Variants in ZNF644 observed in about 807,000 individuals in gnomAD.
ZNF644 encodes zinc finger protein 644.
A neutral mutation model predicts 108.0 loss-of-function variants in ZNF644; 20 were observed. The observed-to-expected ratio is 0.19, with a 90% CI of 0.13 to 0.27. The LOEUF (loss-of-function observed/expected upper bound fraction) is 0.27. Ranked by LOEUF, ZNF644 falls within the 10% of genes least tolerant of loss-of-function variation. ZNF644 has a pLI of 1.00. For synonymous variants in ZNF644, 542 were observed against 539.1 expected (o/e 1.01, Z -0.08); for missense variants, 1,338 against 1,548.9 (o/e 0.86, Z 2.29).
chr1:90,973,552 T>C (rs1217255135), intron 2 of ZNF644, among the ~76,000 whole-genome samples: 1 of 151,228 alleles, frequency 6.6e-6, no homozygotes, highest in Non-Finnish European at 1.5e-5. Context: ...ACTATATAAA[T>C]GTTAAATAAG....
Position 91,001,882 on chromosome 1 carries a change from T to C in ZNF644, c.-17-19512A>G, listed in dbSNP as rs1658871673. On this transcript the variant is annotated intron_variant, in intron 1 of 5. Transcript: ENST00000337393. ...TGTGCAAAAATCACAAGCATTCTTA[T>C]ACACCAATAACAGAGAGCCAAATCA... 2.6e-5 allele frequency among the ~76,000 whole-genome samples: 4 copies of C among 152,110 alleles called. No individual in the cohort carries two copies. In the South Asian group the frequency reaches 8.3e-4, roughly 32 times the overall value.
At chr1:90,999,951 A>G (rs965386464) in intron 1 of ZNF644, among the ~76,000 whole-genome samples, 2 of 152,252 alleles carry the variant, frequency 1.3e-5, no homozygotes, top group Non-Finnish European at 2.9e-5. Flanking sequence ...AGGCCATTAC[A>G]TAATGGTAAA....
chr1:90,931,913 C>T lies in ZNF644; in HGVS notation c.3688+5572G>A, dbSNP rs1195584464. On this transcript the variant is annotated intron_variant, in intron 4 of 5. Transcript: ENST00000337393. ...TCTCCTTTCTCAATTTGCCATCAGA[C>T]AAATTGATGATAGCCTTCAGGAGAT... Among the ~76,000 whole-genome samples, 3 of 152,066 alleles carry T rather than the reference C, an allele frequency of 2.0e-5. No individual in the cohort carries two copies. The East Asian group carries it at 5.8e-4, about 29-fold the overall frequency.
chr1:91,021,409 C>A (rs1159784596), intron 1 of ZNF644: 1 of 152,402 alleles, frequency 6.6e-6, no homozygotes, highest in South Asian at 2.1e-4. Context: ...CTGGCCACAA[C>A]CGAGCAGCCT....
rs1653025718 is a variant in ZNF644 at position 90,950,425 on chromosome 1, A to C, written c.45-9116T>G. Reference sequence around the variant, plus strand: ...TTTTTTAATTTCAAAGTGTTTTGTCAGCCTCCTCCCAAAAGCAGATTGTGT... The same window carrying C: ...TTTTTTAATTTCAAAGTGTTTTGTCCGCCTCCTCCCAAAAGCAGATTGTGT... On this transcript the variant is annotated intron_variant, in intron 2 of 5. Transcript: ENST00000337393. Among the ~76,000 whole-genome samples the C allele has an allele frequency of 2.0e-5, 3 of 151,684 alleles. No individual in the cohort carries two copies. In the South Asian group the frequency reaches 6.3e-4, roughly 32 times the overall value.
At chr1:91,002,883 C>G (rs978756894) in intron 1 of ZNF644, among the ~76,000 whole-genome samples, 83 of 152,256 alleles carry the variant, frequency 5.5e-4, no homozygotes, top group African/African-American at 1.9e-3. Flanking sequence ...TATGAACAGA[C>G]ACTTCTCAAA....
intron 1 of ZNF644, among the ~76,000 whole-genome samples, chr1:91,006,386 G>A (rs1659419266): frequency 6.6e-6 from 1 of 152,166 alleles, no homozygotes. Flanking sequence ...TCCAGCCTGG[G>A]CAACAGAGCA....
At chr1:90,974,840 T>TA (rs1655837821) in intron 2 of ZNF644, among the ~76,000 whole-genome samples, 2 of 152,204 alleles carry the variant, frequency 1.3e-5, no homozygotes, top group Admixed American at 6.5e-5. Context: ...CAATGGTTTA[T>TA]AAAAACCTCA....
intron 1 of ZNF644, among the ~76,000 whole-genome samples, chr1:90,983,706 CACCT>C (rs1321658767): frequency 2.0e-5 from 3 of 152,098 alleles, no homozygotes; most frequent in Non-Finnish European, 2.9e-5. Flanking sequence ...GTGGGCAGAT[CACCT>C]GAGGTCAGGA....
intron 4 of ZNF644, among the ~76,000 whole-genome samples, chr1:90,927,161 C>T (rs566884331): frequency 6.6e-6 from 1 of 151,830 alleles, no homozygotes; most frequent in East Asian, 1.9e-4. Flanking sequence ...AGTTCCTAGT[C>T]TAGCTGAAAG....
chr1:90,936,147 CTAAA>C (rs1234023040), intron 4 of ZNF644, among the ~76,000 whole-genome samples: 4 of 152,062 alleles, frequency 2.6e-5, no homozygotes, highest in Non-Finnish European at 5.9e-5. Context: ...AATCTTTGTG[CTAAA>C]TAAATGATCA....
intron 2 of ZNF644, among the ~76,000 whole-genome samples, chr1:90,958,499 C>T (rs1257342811): frequency 1.3e-5 from 2 of 151,662 alleles, no homozygotes; most frequent in East Asian, 3.9e-4. Context: ...TGGAACTGAA[C>T]GAGTCCCTGA....
intron 1 of ZNF644, among the ~76,000 whole-genome samples, chr1:90,983,478 T>C (rs1570499436): frequency 7.4e-6 from 1 of 134,392 alleles, no homozygotes; most frequent in Non-Finnish European, 1.5e-5. Context: ...TTACCTCATA[T>C]GGCAAAAAAA....
At chr1:90,943,632 G>C (rs541434312) in intron 2 of ZNF644, among the ~76,000 whole-genome samples, 3 of 152,106 alleles carry the variant, frequency 2.0e-5, no homozygotes, top group African/African-American at 7.2e-5. Flanking sequence ...GTAGGTTTTA[G>C]AATTCTGTTT....
At chr1:90,972,540 C>A (rs1655602527) in intron 2 of ZNF644, among the ~76,000 whole-genome samples, 1 of 152,172 alleles carries the variant, frequency 6.6e-6, no homozygotes. Flanking sequence ...GGTGCAGCCA[C>A]TACAGAAAAC....
chr1:90,940,761 G>T lies in ZNF644; in HGVS notation c.593C>A (p.Ala198Asp). 1 of 1,613,968 alleles carries T rather than the reference G, an allele frequency of 6.2e-7. No individual in the cohort carries two copies. The highest frequency in any genetic ancestry group is 1.7e-5 in the Admixed American group (1 of 60,002). Residue 198 changes from alanine to aspartate, a missense_variant, in exon 3 of 6, where the codon GCT becomes GAT. Ala to Asp is a moderately radical substitution (Grantham distance 126, BLOSUM62 -2). This residue lies in a region of ZNF644 where 464 missense variants were observed against 457.9 expected (regional missense o/e 1.01). Coordinates refer to ENST00000337393, the MANE Select transcript of ZNF644 (RefSeq NM_201269.3). ...THSNKKLPTSASVGCDIQNSV... is the reference protein window; with the variant it reads ...THSNKKLPTSDSVGCDIQNSV... ...ATTCTGAATGTCACAACCAACTGAA[G>T]CAGAGGTAGGTAGTTTTTTATTGGA...
intron 1 of ZNF644, among the ~76,000 whole-genome samples, chr1:91,012,301 T>C (rs1394499468): frequency 6.7e-6 from 1 of 148,580 alleles, no homozygotes; most frequent in East Asian, 2.0e-4. Context: ...AAACCCTATC[T>C]CTACTACCGA....
intron 1 of ZNF644, among the ~76,000 whole-genome samples, chr1:90,998,606 G>C (rs1658423305): frequency 6.6e-6 from 1 of 152,216 alleles, no homozygotes; most frequent in Admixed American, 6.5e-5. Context: ...GGAAAGAACA[G>C]AGCAGAAAAG....
At chr1:90,992,737 T>C (rs1032873714) in intron 1 of ZNF644, among the ~76,000 whole-genome samples, 2 of 152,198 alleles carry the variant, frequency 1.3e-5, no homozygotes, top group Non-Finnish European at 2.9e-5. Flanking sequence ...CAAGGAAATT[T>C]TGTAGTTTCT....
Sources: gnomAD v4.1 joint callset for allele counts (sites outside exome capture counted in the v4.1 genomes callset) on GRCh38, gnomAD v4.1.1 for gene constraint, gnomAD v4.1.1 regional missense constraint, MANE v1.5 for transcripts, NCBI Gene and HGNC (gene_info 2026-07-23, HGNC 2026-07-21) for gene names.